Variants in SLC6A18 observed in about 807,000 individuals in gnomAD.
SLC6A18 encodes the protein inactive sodium-dependent neutral amino acid transporter B(0)AT3.
SLC6A18 carries 58 observed loss-of-function variants against 62.9 expected under a neutral mutation model. The observed-to-expected ratio is 0.92, with a 90% CI of 0.75 to 1.15. The LOEUF (loss-of-function observed/expected upper bound fraction) is 1.15. SLC6A18 is among the 50% of genes most tolerant of loss of function. The pLI is 0.00. For missense variants in SLC6A18, 793 were observed against 836.6 expected (o/e 0.95, Z 0.64); for synonymous variants, 382 against 365.8 (o/e 1.04, Z -0.51).
In SLC6A18 at chr5:1,230,200, TGGG is replaced by T. The variant is rs1216787486; in HGVS notation, c.161-2016_161-2014del. Among the ~76,000 whole-genome samples, 5 of 20,582 alleles carry T rather than the reference TGGG, an allele frequency of 2.4e-4. No homozygotes were observed. The East Asian group carries it at 8.3e-3, about 34-fold the overall frequency. The allele number at this position is 20,582 out of a possible 152,430, so 13.5% of individuals were successfully genotyped here. ...GGGCTCTCATAGCACAGGCTGGAGG[TGGG>T]GGAAGAGGGGCTCTCACGGTACAGG... On this transcript the variant is annotated intron_variant, in intron 1 of 11. Transcript: ENST00000324642.
At chr5:1,229,210 G>A (rs1746660910) in intron 1 of SLC6A18, among the ~76,000 whole-genome samples, 1 of 152,046 alleles carries the variant, frequency 6.6e-6, no homozygotes, top group Admixed American at 6.5e-5. Flanking sequence ...CTGTGGCCAC[G>A]ATCTCGTATT....
In SLC6A18 at chr5:1,233,582, C is replaced by CT; in HGVS notation, c.439+696dup. Among the ~76,000 whole-genome samples the CT allele has an allele frequency of 1.5e-5, 2 of 132,700 alleles. 1 individual carries two copies. The highest frequency in any genetic ancestry group is 1.6e-4 in the Admixed American group (2 of 12,626). 87.1% of individuals were successfully genotyped at this position (132,700 alleles called of 152,430 possible). A position where few individuals can be genotyped will look rare whatever the true frequency, so the allele number is the denominator to read the frequency against. The stretch of plus-strand genomic sequence containing the variant: ...GAGACATGAATGACAGTTATATTTT[C>CT]TTCTTTTTTTTTTTTTTTTGGGACA... On this transcript the variant is annotated intron_variant, in intron 3 of 11. Transcript: ENST00000324642.
chr5:1,244,186 C>CCCCCCCCCCCCTTTCCCCCT, intron 9 of SLC6A18, 28 bp from the exon 10 acceptor site: 1 of 1,071,002 alleles, frequency 9.3e-7, no homozygotes, highest in South Asian at 1.2e-5. Flanking sequence ...ATCCCCTTAC[C>CCCCCCCCCCCCTTTCCCCCT]CCCCACACCC....
At chr5:1,229,051 AC>A (rs1746656765) in intron 1 of SLC6A18, among the ~76,000 whole-genome samples, 1 of 152,164 alleles carries the variant, frequency 6.6e-6, no homozygotes, top group Admixed American at 6.5e-5. Context: ...TCCGTGCTGG[AC>A]TTGGGTTGGC....
chr5:1,244,441 C>A, intron 10 of SLC6A18, 68 bp downstream of exon 10: 19 of 1,594,696 alleles, frequency 1.2e-5, no homozygotes, highest in Non-Finnish European at 1.5e-5. Context: ...GGCTGCCGGG[C>A]ACAGGTTCAA....
At position 1,244,681 on chromosome 5, in the gene SLC6A18, A is replaced by G; in HGVS notation, c.1570A>G (p.Ser524Gly). ...PYWRLTWRVVSPLLLTIFVAY... is the reference protein window; with the variant it reads ...PYWRLTWRVVGPLLLTIFVAY... ...CTGGCGGCTGACCTGGAGGGTGGTC[A>G]GTCCCCTGCTGCTGACCATCTTTGT... The change falls in exon 11 of 12, where the codon AGT (serine) becomes GGT (glycine). Residue 524 changes from serine (S) to glycine (G), a missense_variant. Coordinates refer to ENST00000324642, the MANE Select transcript of SLC6A18 (RefSeq NM_182632.3). 1 of 1,613,062 alleles carries G rather than the reference A, an allele frequency of 6.2e-7. No individual in the cohort carries two copies. Among genetic ancestry groups the G allele is most frequent in the Non-Finnish European group, 8.5e-7 (1 of 1,179,276 alleles).
At chr5:1,226,988 TGCCTTGCCCACC>T (rs1746593095) in intron 1 of SLC6A18, among the ~76,000 whole-genome samples, 2 of 141,066 alleles carry the variant, frequency 1.4e-5, no homozygotes, top group Non-Finnish European at 3.1e-5. Flanking sequence ...TGCCCACCGA[TGCCTTGCCCACC>T]GATGCCTTGC....
In SLC6A18 at chr5:1,243,636, CTCT is replaced by C; in HGVS notation, c.1219_1221del (p.Phe407del). 1 of 1,614,108 alleles carries C rather than the reference CTCT, an allele frequency of 6.2e-7. No homozygotes were observed. Among genetic ancestry groups the C allele is most frequent in the Non-Finnish European group, 8.5e-7 (1 of 1,180,018 alleles). ...GCCGGGGGCTCCTGTGTGGGCCATG[CTCT>C]TCTTCGGGATGCTGTTCACCTTGGG... On this transcript the variant is annotated inframe_deletion, in exon 9 of 12. Transcript: ENST00000324642. This position sits in a 1 kb window ranked among gnomAD's most constrained non-coding sequence, Gnocchi z 6.5.
intron 6 of SLC6A18, among the ~76,000 whole-genome samples, chr5:1,240,125 G>A (rs1196574596): frequency 6.6e-6 from 1 of 152,242 alleles, no homozygotes; most frequent in East Asian, 1.9e-4. Context: ...TGGGACGCCA[G>A]GGAAGCTTTA....
At chr5:1,230,237 G>C (rs1193316079) in intron 1 of SLC6A18, among the ~76,000 whole-genome samples, 2 of 152,102 alleles carry the variant, frequency 1.3e-5, no homozygotes, top group Admixed American at 6.5e-5. Context: ...GGCTGGAGGT[G>C]GGGGAAGAGA....
chr5:1,226,659 G>T (rs771193835), intron 1 of SLC6A18, among the ~76,000 whole-genome samples: 19 of 152,280 alleles, frequency 1.2e-4, no homozygotes, highest in Non-Finnish European at 2.8e-4. Context: ...GGGCACTGGG[G>T]TCTCTTTGGG....
In SLC6A18 at chr5:1,244,359, T is replaced by C; in HGVS notation, c.1482T>C (p.Val494=). ...TCGAGGTTGTGGGTGTCGTTTATGT[T>C]TATGGAATGAAACGGTGAGCTGCCG... ...AFLEVVGVVY[V]YGMKRFCDDI... is the part of the protein sequence containing the mutation. The change falls in exon 10 of 12, where the codon GTT becomes GTC. Residue 494 remains valine (V), a synonymous_variant. Transcript: ENST00000324642. 6.2e-7 allele frequency: 1 copy of C among 1,614,042 alleles called. No homozygotes were observed. The highest frequency in any genetic ancestry group is 8.5e-7 in the Non-Finnish European group (1 of 1,179,974).
intron 5 of SLC6A18, 62 bp from the exon 6 acceptor site, chr5:1,239,388 T>C: frequency 7.7e-7 from 1 of 1,293,818 alleles, no homozygotes; most frequent in Non-Finnish European, 1.1e-6. Context: ...TCTGGAACAG[T>C]CAGGGCCACC....
Position 1,242,790 on chromosome 5 carries a change from T to C in SLC6A18, c.1058T>C (p.Leu353Pro). 2 of 1,614,034 alleles carry C rather than the reference T, an allele frequency of 1.2e-6. No individual in the cohort carries two copies. Among genetic ancestry groups the C allele is most frequent in the Non-Finnish European group, 1.7e-6 (2 of 1,179,926 alleles). Reference sequence around the variant, plus strand: ...GACTACCCAGCCGTCCTCATGCACCTGAACGCCACCTGGCCCAAGAGGGTG... The same window carrying C: ...GACTACCCAGCCGTCCTCATGCACCCGAACGCCACCTGGCCCAAGAGGGTG... ...RDDYPAVLMH[L>P]NATWPKRVAQ... Residue 353 changes from leucine to proline, a missense_variant, in exon 8 of 12, where the codon CTG (leucine) becomes CCG (proline). Leu to Pro is a moderately conservative substitution (Grantham distance 98, BLOSUM62 -3). Coordinates refer to ENST00000324642, the MANE Select transcript of SLC6A18 (RefSeq NM_182632.3).
chr5:1,239,094 G>T (rs1746980253), intron 5 of SLC6A18, among the ~76,000 whole-genome samples: 1 of 152,240 alleles, frequency 6.6e-6, no homozygotes, highest in South Asian at 2.1e-4. Context: ...CTGCCCTCGG[G>T]GCTTCAAATC....
intron 3 of SLC6A18, among the ~76,000 whole-genome samples, chr5:1,234,907 C>T (rs1001566593): frequency 6.6e-6 from 1 of 152,230 alleles, no homozygotes; most frequent in Admixed American, 6.5e-5. Flanking sequence ...AGGGGCCCCC[C>T]ACATTTCCCC....
chr5:1,240,976 G>C (rs939692002), intron 7 of SLC6A18, among the ~76,000 whole-genome samples: 1 of 152,238 alleles, frequency 6.6e-6, no homozygotes, highest in Non-Finnish European at 1.5e-5. Flanking sequence ...GACAGGCAGA[G>C]GTCGCAGCGC....
At position 1,239,575 on chromosome 5, in the gene SLC6A18, G is replaced by C; in HGVS notation, c.845+13G>C. 2 of 1,601,070 alleles carry C rather than the reference G, an allele frequency of 1.2e-6. No individual in the cohort carries two copies. The highest frequency in any genetic ancestry group is 1.3e-5 in the African/African-American group (1 of 74,794). On this transcript the variant is annotated intron_variant, in intron 6 of 11. Transcript: ENST00000324642. ...ACAACTCGCCCAGGTAGGCAGTCGG[G>C]CTCAGCTGTCCAGCCAGGGAAGCTT...
chr5:1,228,533 G>T (rs995949433), intron 1 of SLC6A18, among the ~76,000 whole-genome samples: 45 of 152,260 alleles, frequency 3.0e-4, no homozygotes, highest in African/African-American at 1.0e-3. Flanking sequence ...TGGGGTGCAG[G>T]TTTCTCTCGA....
Sources: gnomAD v4.1 joint callset for allele counts (sites outside exome capture counted in the v4.1 genomes callset) on GRCh38, gnomAD v4.1.1 for gene constraint, Gnocchi (gnomAD v3.1) non-coding constraint, MANE v1.5 for transcripts, NCBI Gene and HGNC (gene_info 2026-07-23, HGNC 2026-07-21) for gene names.